Variants in CASQ2 observed in about 807,000 individuals in gnomAD.
CASQ2 encodes the protein calsequestrin-2.
In CASQ2, 49 loss-of-function variants were observed where a neutral mutation model predicts 46.5. The ratio of observed to expected loss-of-function variants is 1.05; its 90% CI spans 0.84 to 1.34. The LOEUF is 1.34. CASQ2 is among the 40% of genes most tolerant of loss of function. The probability of loss-of-function intolerance (pLI) is 0.00; values close to 1 mark genes in which losing one functional copy is unlikely to be tolerated. For missense variants in CASQ2, 486 were observed against 481.3 expected (o/e 1.01, Z -0.09); for synonymous variants, 174 against 168.5 (o/e 1.03, Z -0.25).
In CASQ2 at chr1:115,761,458, AAGAAGG is replaced by A. The variant is rs1557806698; in HGVS notation, c.234+6844_234+6849del. 6.9e-3 allele frequency among the ~76,000 whole-genome samples: 39 copies of A among 5,674 alleles called. 1 individual carries two copies. Among genetic ancestry groups the A allele is most frequent in the Non-Finnish European group, 0.012 (30 of 2,488 alleles). 3.7% of individuals were successfully genotyped at this position (5,674 alleles called of 152,430 possible). Reference sequence around the variant, plus strand: ...AAGAAGAAAGAAGAAGAAGAAGAAGAAGAAGGAGAAGAAGAAGAAGAAGAAGAAGGA... The same window carrying A: ...AAGAAGAAAGAAGAAGAAGAAGAAGAAGAAGAAGAAGAAGAAGAAGAAGGA... On this transcript the variant is annotated intron_variant, in intron 1 of 10. Coordinates refer to ENST00000261448, the MANE Select transcript of CASQ2 (RefSeq NM_001232.4).
At chr1:115,748,116 G>A (rs1376454438) in intron 1 of CASQ2, among the ~76,000 whole-genome samples, 2 of 152,082 alleles carry the variant, frequency 1.3e-5, no homozygotes, top group Non-Finnish European at 2.9e-5. Context: ...GTTTGGTCCA[G>A]ACACATTTAG....
chr1:115,701,785 T>G (rs2101052688), intron 10 of CASQ2, among the ~76,000 whole-genome samples: 1 of 152,342 alleles, frequency 6.6e-6, no homozygotes, highest in East Asian at 1.9e-4. Context: ...TTTAAAATGT[T>G]TTCACTTGAG....
chr1:115,760,233 G>A (rs999297013), intron 1 of CASQ2, among the ~76,000 whole-genome samples: 43 of 152,258 alleles, frequency 2.8e-4, no homozygotes, highest in African/African-American at 9.6e-4. Context: ...CATGATTCTG[G>A]TCATCTGGAA....
intron 8 of CASQ2, among the ~76,000 whole-genome samples, chr1:115,713,078 C>G (rs1256893882): frequency 1.3e-5 from 2 of 152,028 alleles, no homozygotes; most frequent in Non-Finnish European, 2.9e-5. Flanking sequence ...AGACAGCAGC[C>G]TTTCCTTGCA....
At chr1:115,746,547 C>T (rs541960741) in intron 1 of CASQ2, among the ~76,000 whole-genome samples, 2 of 152,260 alleles carry the variant, frequency 1.3e-5, no homozygotes, top group East Asian at 3.9e-4. Flanking sequence ...AGTGCTATCT[C>T]ATTGTGGTTT....
intron 3 of CASQ2, among the ~76,000 whole-genome samples, chr1:115,739,665 C>T (rs1012464121): frequency 5.9e-5 from 9 of 152,190 alleles, no homozygotes; most frequent in African/African-American, 2.2e-4. Flanking sequence ...TTATAGCTAA[C>T]TTGAGAATAG....
chr1:115,742,308 A>C (rs1020579020), intron 2 of CASQ2, among the ~76,000 whole-genome samples: 1 of 152,166 alleles, frequency 6.6e-6, no homozygotes, highest in East Asian at 1.9e-4. Context: ...AATGATGGCC[A>C]ATCTCAAAAG....
intron 3 of CASQ2, 23 bp downstream of exon 3, chr1:115,740,705 G>T (rs142337538): frequency 2.1e-6 from 3 of 1,428,044 alleles, no homozygotes; most frequent in African/African-American, 1.4e-5. Flanking sequence ...CTCCATGCAG[G>T]GTCACTGTGT....
At chr1:115,709,486 A>C (rs57034194) in intron 8 of CASQ2, among the ~76,000 whole-genome samples, 16,182 of 152,198 alleles carry the variant, frequency 0.11, 1,096 homozygotes, top group African/African-American at 0.19. Flanking sequence ...ACTTCAAAAA[A>C]CTGTATAGAG....
intron 8 of CASQ2, among the ~76,000 whole-genome samples, chr1:115,710,380 G>A (rs997705355): frequency 6.6e-6 from 1 of 152,208 alleles, no homozygotes; most frequent in Non-Finnish European, 1.5e-5. Context: ...AAATGGTAGA[G>A]CTGGGAGTTG....
intron 7 of CASQ2, among the ~76,000 whole-genome samples, chr1:115,718,157 G>A (rs920582423): frequency 2.6e-5 from 4 of 152,278 alleles, no homozygotes; most frequent in East Asian, 1.9e-4. Context: ...CCAACCACAC[G>A]CAAGACATTA....
rs1248543096 is a variant in CASQ2 at position 115,702,910 on chromosome 1, G to A, written c.1014+11C>T. 2 of 1,607,670 alleles carry A rather than the reference G, an allele frequency of 1.2e-6. No homozygotes were observed. Among genetic ancestry groups the A allele is most frequent in the Non-Finnish European group, 1.7e-6 (2 of 1,174,938 alleles). Reference sequence around the variant, plus strand: ...AGGGTGCCTGAGCAAGCCTTCACAGGGGATACTCACATCTGTGACATTCAC... The same window carrying A: ...AGGGTGCCTGAGCAAGCCTTCACAGAGGATACTCACATCTGTGACATTCAC... On this transcript the variant is annotated intron_variant, in intron 10 of 10. Coordinates refer to ENST00000261448, the MANE Select transcript of CASQ2 (RefSeq NM_001232.4).
In CASQ2 at chr1:115,748,508, C is replaced by CGGGT. The variant is rs535315132; in HGVS notation, c.235-3597_235-3596insACCC. Among the ~76,000 whole-genome samples, 626 of 131,100 alleles carry CGGGT rather than the reference C, an allele frequency of 4.8e-3. 4 individuals are homozygous for CGGGT. Among genetic ancestry groups the CGGGT allele is most frequent in the South Asian group, 0.012 (38 of 3,302 alleles). 86.0% of individuals were successfully genotyped at this position (131,100 alleles called of 152,430 possible). A position where few individuals can be genotyped will look rare whatever the true frequency, so the allele number is the denominator to read the frequency against. ...GTGGAATGGCAGGTAACAAATAAGC[C>CGGGT]TACCCCCACCCCCACCCCTCATTCA... On this transcript the variant is annotated intron_variant, in intron 1 of 10. Transcript: ENST00000261448.
chr1:115,740,425 T>C (rs951410105), intron 3 of CASQ2, among the ~76,000 whole-genome samples: 1 of 152,094 alleles, frequency 6.6e-6, no homozygotes, highest in Non-Finnish European at 1.5e-5. Context: ...ATTCCCCAGC[T>C]CCTCTTCAGT....
intron 8 of CASQ2, among the ~76,000 whole-genome samples, chr1:115,709,897 C>A (rs1259027597): frequency 2.0e-5 from 3 of 152,190 alleles, no homozygotes; most frequent in African/African-American, 7.2e-5. Context: ...GGCTGAAATG[C>A]AGTGGTGCAA....
At position 115,740,787 on chromosome 1, in the gene CASQ2, G is replaced by A. The variant is rs570840019; in HGVS notation, c.361C>T (p.Arg121Cys). ...EGSLYILKGD[R>C]TIEFDGEFAA... is the part of the protein sequence containing the mutation. Reference sequence around the variant, plus strand: ...AACTCGCCATCAAACTCTATTGTGCGATCACCCTTAAGAATATACAGGCTT... The same window carrying A: ...AACTCGCCATCAAACTCTATTGTGCAATCACCCTTAAGAATATACAGGCTT... The change falls in exon 3 of 11, where the codon CGC becomes TGC. Residue 121 changes from arginine (R) to cysteine (C), a missense_variant. Arg to Cys is a radical substitution (Grantham distance 180). Transcript: ENST00000261448. 9.3e-6 allele frequency: 15 copies of A among 1,613,516 alleles called. No homozygotes were observed. The highest frequency in any genetic ancestry group is 2.7e-5 in the African/African-American group (2 of 74,980).
rs117999962 is a variant in CASQ2 at position 115,715,889 on chromosome 1, G to A, written c.838+1951C>T. The stretch of plus-strand genomic sequence containing the variant: ...CAAATATTTATTGGGCGCCTACCAC[G>A]AGTCAAGACATTGTGCAAGAATCAG... On this transcript the variant is annotated intron_variant, in intron 8 of 10. Coordinates refer to ENST00000261448, the MANE Select transcript of CASQ2 (RefSeq NM_001232.4). 1.8e-3 allele frequency among the ~76,000 whole-genome samples: 277 copies of A among 152,252 alleles called. 11 individuals carry two copies. The East Asian group carries it at 0.042, about 23-fold the overall frequency.
At chr1:115,736,504 G>T (rs1382989190) in intron 4 of CASQ2, among the ~76,000 whole-genome samples, 1 of 151,780 alleles carries the variant, frequency 6.6e-6, no homozygotes, top group East Asian at 2.0e-4. Context: ...AGGCGTGGTG[G>T]CGGGCACCTG....
intron 1 of CASQ2, among the ~76,000 whole-genome samples, chr1:115,745,165 C>T (rs1448516459): frequency 6.6e-6 from 1 of 152,108 alleles, no homozygotes; most frequent in Non-Finnish European, 1.5e-5. Flanking sequence ...AGAATATATC[C>T]ACTGTCACAT....
Sources: gnomAD v4.1 joint callset for allele counts (sites outside exome capture counted in the v4.1 genomes callset) on GRCh38, gnomAD v4.1.1 for gene constraint, MANE v1.5 for transcripts, NCBI Gene and HGNC (gene_info 2026-07-23, HGNC 2026-07-21) for gene names.